Variants in PRKCA observed in about 807,000 individuals in gnomAD.
PRKCA encodes the protein protein kinase C alpha.
PRKCA carries 27 observed loss-of-function variants against 87.0 expected under a neutral mutation model. The observed-to-expected ratio is 0.31, with a 90% confidence interval of 0.23 to 0.43. The LOEUF is 0.43. Ranked by LOEUF, PRKCA falls within the 20% of genes least tolerant of loss-of-function variation. The probability of loss-of-function intolerance (pLI) is 1.00; values close to 1 mark genes in which losing one functional copy is unlikely to be tolerated. For synonymous variants in PRKCA, 329 were observed against 311.1 expected (o/e 1.06, Z -0.61); for missense variants, 518 against 852.3 (o/e 0.61, Z 4.88).
At chr17:66,552,753 CA>C (rs1428616481) in intron 3 of PRKCA, among the ~76,000 whole-genome samples, 1 of 152,106 alleles carries the variant, frequency 6.6e-6, no homozygotes, top group Non-Finnish European at 1.5e-5. Context: ...TGAAGTGAGC[CA>C]CTAGGTCCAG....
chr17:66,715,669 G>A (rs145989606), intron 8 of PRKCA, among the ~76,000 whole-genome samples: 206 of 152,272 alleles, frequency 1.4e-3, no homozygotes, highest in African/African-American at 4.8e-3. Flanking sequence ...CTATAGTTCC[G>A]TTGGCATTTT....
chr17:66,471,241 CAAAG>C (rs1324970362), intron 2 of PRKCA, among the ~76,000 whole-genome samples: 2 of 152,158 alleles, frequency 1.3e-5, no homozygotes, highest in African/African-American at 2.4e-5. Flanking sequence ...TGATACATCA[CAAAG>C]AAAGATTGGA....
chr17:66,422,828 A>C (rs1912564318), intron 2 of PRKCA, among the ~76,000 whole-genome samples: 1 of 152,216 alleles, frequency 6.6e-6, no homozygotes, highest in South Asian at 2.1e-4. Context: ...GCATTATTGC[A>C]GGCCGGGCAT....
intron 15 of PRKCA, among the ~76,000 whole-genome samples, 157 bp from the exon 16 acceptor site, chr17:66,788,682 A>G (rs1475112336): frequency 6.6e-6 from 1 of 152,078 alleles, no homozygotes. Context: ...AGTTGGCTTC[A>G]CTTCGTACAA....
At chr17:66,445,793 AC>A (rs1914003894) in intron 2 of PRKCA, among the ~76,000 whole-genome samples, 1 of 147,704 alleles carries the variant, frequency 6.8e-6, no homozygotes. Context: ...GGTTGGGTTC[AC>A]TTTTTTTTTT....
chr17:66,678,868 T>C (rs1972410506), intron 5 of PRKCA, among the ~76,000 whole-genome samples: 1 of 151,450 alleles, frequency 6.6e-6, no homozygotes, highest in African/African-American at 2.4e-5. Context: ...ACCCAGCCCA[T>C]TTTCACACCC....
intron 2 of PRKCA, among the ~76,000 whole-genome samples, chr17:66,344,683 A>C (rs1305052037): frequency 6.6e-6 from 1 of 152,212 alleles, no homozygotes; most frequent in Non-Finnish European, 1.5e-5. Context: ...CTGTGATTTG[A>C]ATCAAGGCTC....
rs368602635 is a variant in PRKCA at position 66,566,479 on chromosome 17, G to GTTTTTTTTTTTTTTTTTTTT, written c.288+70196_288+70197insTTTTTTTTTTTTTTTTTTTT. Among the ~76,000 whole-genome samples, 11 of 74,702 alleles carry GTTTTTTTTTTTTTTTTTTTT rather than the reference G, an allele frequency of 1.5e-4. 2 individuals carry two copies. Among genetic ancestry groups the GTTTTTTTTTTTTTTTTTTTT allele is most frequent in the Non-Finnish European group, 1.1e-4 (4 of 36,004 alleles). The allele number at this position is 74,702 out of a possible 152,430, so 49.0% of individuals were successfully genotyped here. On this transcript the variant is annotated intron_variant, in intron 3 of 16. Coordinates refer to ENST00000413366, the MANE Select transcript of PRKCA (RefSeq NM_002737.3). Reference sequence around the variant, plus strand: ...TTGTGAAGAACTGTTGTTGTTTTTTGGTTTTTTTTTTTTTTTTTTTTTTGC... The same window carrying GTTTTTTTTTTTTTTTTTTTT: ...TTGTGAAGAACTGTTGTTGTTTTTTGTTTTTTTTTTTTTTTTTTTTGTTTTTTTTTTTTTTTTTTTTTTGC...
rs1568045309 is a variant in PRKCA, at chr17:66,803,821, C to T, written c.1855-52C>T. The stretch of plus-strand genomic sequence containing the variant: ...CAGAGAGGGCCCTCGGAGAGCTGCT[C>T]CCGCATTGTCATGTTGACTGACCTT... On this transcript the variant is annotated intron_variant, in intron 16 of 16. Coordinates refer to ENST00000413366, the MANE Select transcript of PRKCA (RefSeq NM_002737.3). The surrounding 1 kb of genome is among the most constrained non-coding windows in gnomAD (Gnocchi z 4.4). 1 of 1,593,612 alleles carries T rather than the reference C, an allele frequency of 6.3e-7. No individual in the cohort carries two copies. The highest frequency in any genetic ancestry group is 8.6e-7 in the Non-Finnish European group (1 of 1,166,844).
At chr17:66,436,955 C>T (rs924529375) in intron 2 of PRKCA, among the ~76,000 whole-genome samples, 2 of 151,964 alleles carry the variant, frequency 1.3e-5, no homozygotes, top group Non-Finnish European at 2.9e-5. Context: ...ATGCTAGAGC[C>T]GTTCAGCTGT....
intron 3 of PRKCA, among the ~76,000 whole-genome samples, chr17:66,498,377 C>T (rs1358689620): frequency 7.2e-5 from 11 of 152,180 alleles, no homozygotes; most frequent in Non-Finnish European, 1.3e-4. Context: ...TTCCTCTCTT[C>T]TCTTCTCTCT....
At chr17:66,332,841 G>C (rs1400820150) in intron 2 of PRKCA, among the ~76,000 whole-genome samples, 1 of 151,834 alleles carries the variant, frequency 6.6e-6, no homozygotes, top group Admixed American at 6.6e-5. Flanking sequence ...ACAGGTGCCC[G>C]CCACCACGCC....
intron 8 of PRKCA, among the ~76,000 whole-genome samples, chr17:66,695,973 T>C (rs1433778182): frequency 6.6e-6 from 1 of 152,196 alleles, no homozygotes; most frequent in Non-Finnish European, 1.5e-5. Context: ...AAAGTTCTTA[T>C]AAAGAGAGAA....
chr17:66,333,234 A>T (rs1598597701), intron 2 of PRKCA, among the ~76,000 whole-genome samples: 1 of 152,222 alleles, frequency 6.6e-6, no homozygotes, highest in East Asian at 1.9e-4. Flanking sequence ...ATAGTATATG[A>T]AGCAGAGACT....
chr17:66,652,089 G>A (rs947031982), intron 5 of PRKCA, among the ~76,000 whole-genome samples: 19 of 152,288 alleles, frequency 1.2e-4, no homozygotes, highest in Admixed American at 3.3e-4. Context: ...CTCTCGAGTA[G>A]TTGGGATTAT....
intron 16 of PRKCA, among the ~76,000 whole-genome samples, chr17:66,791,976 G>A (rs1975549342): frequency 1.3e-5 from 2 of 152,230 alleles, no homozygotes; most frequent in African/African-American, 4.8e-5. Flanking sequence ...TTATTTCAAA[G>A]AGAGATGTAG....
intron 2 of PRKCA, chr17:66,415,613 T>C (rs1178886932): frequency 1.3e-5 from 2 of 152,142 alleles, no homozygotes; most frequent in African/African-American, 4.8e-5. Flanking sequence ...ATCAAAGATA[T>C]CCTTAAATCG....
Position 66,404,742 on chromosome 17 carries a change from C to CTTTTTTTTTTTTTTTTT in PRKCA, c.206-91448_206-91432dup, listed in dbSNP as rs773919783. Among the ~76,000 whole-genome samples the CTTTTTTTTTTTTTTTTT allele has an allele frequency of 4.2e-4, 23 of 54,232 alleles. 5 individuals carry two copies. The highest frequency in any genetic ancestry group is 6.8e-4 in the Non-Finnish European group (21 of 31,054). 35.6% of individuals were successfully genotyped at this position (54,232 alleles called of 152,430 possible). The stretch of plus-strand genomic sequence containing the variant: ...CTGGCTGCTGGAAAGGATGGTAGGC[C>CTTTTTTTTTTTTTTTTT]TTTTTTTTTTTTTTTTTTTTTTTTT... On this transcript the variant is annotated intron_variant, in intron 2 of 16. Transcript: ENST00000413366.
intron 4 of PRKCA, among the ~76,000 whole-genome samples, chr17:66,642,253 C>A (rs993764863): frequency 6.6e-6 from 1 of 152,000 alleles, no homozygotes; most frequent in Non-Finnish European, 1.5e-5. Context: ...CCTCAGCCTC[C>A]CGAGTAGCTG....
Sources: gnomAD v4.1 joint callset for allele counts (sites outside exome capture counted in the v4.1 genomes callset) on GRCh38, gnomAD v4.1.1 for gene constraint, Gnocchi (gnomAD v3.1) non-coding constraint, MANE v1.5 for transcripts, NCBI Gene and HGNC (gene_info 2026-07-23, HGNC 2026-07-21) for gene names.